Variants in NEK7 observed in about 807,000 individuals in gnomAD.
The protein encoded by NEK7 is serine/threonine-protein kinase Nek7.
A neutral mutation model predicts 44.6 loss-of-function variants in NEK7; 18 were observed. That is an observed-to-expected ratio of 0.40 (90% CI 0.28 to 0.60). The LOEUF is 0.60. NEK7 is among the 20% of genes least tolerant of loss of function. The pLI, the probability that NEK7 is intolerant of heterozygous loss-of-function variation, is 0.38. For synonymous variants in NEK7, 130 were observed against 121.1 expected, an observed-to-expected ratio of 1.07 and a Z score of -0.48; for missense variants, 256 against 366.5, an observed-to-expected ratio of 0.70 and a Z score of 2.46.
At chr1:198,294,111 C>T (rs1654640496) in intron 8 of NEK7, among the ~76,000 whole-genome samples, 1 of 151,734 alleles carries the variant, frequency 6.6e-6, no homozygotes, top group Non-Finnish European at 1.5e-5. Context: ...TTCAAATTTC[C>T]TTAATTTAAG....
chr1:198,231,654 T>A (rs1349461932), intron 1 of NEK7, among the ~76,000 whole-genome samples: 1 of 152,064 alleles, frequency 6.6e-6, no homozygotes, highest in East Asian at 1.9e-4. Context: ...ATTATGAATT[T>A]CTATTCATTA....
chr1:198,231,182 T>C (rs1666377516), intron 1 of NEK7, among the ~76,000 whole-genome samples: 1 of 150,466 alleles, frequency 6.6e-6, no homozygotes, highest in Admixed American at 6.6e-5. Context: ...AGGTACACTG[T>C]AGGGCAGTAG....
At chr1:198,235,071 T>G (rs560430535) in intron 2 of NEK7, among the ~76,000 whole-genome samples, 28 of 152,322 alleles carry the variant, frequency 1.8e-4, no homozygotes, top group South Asian at 4.1e-4. Context: ...TGGCAACATC[T>G]GGTTAGCCCA....
intron 4 of NEK7, 108 bp from the exon 5 acceptor site, chr1:198,264,017 T>G (rs991358027): frequency 8.6e-7 from 1 of 1,159,622 alleles, no homozygotes; most frequent in Non-Finnish European, 1.2e-6. Flanking sequence ...TGTTAAGATT[T>G]CTGTAATTTA....
intron 3 of NEK7, 81 bp from the exon 4 acceptor site, chr1:198,262,494 G>T: frequency 1.2e-6 from 1 of 846,356 alleles, no homozygotes; most frequent in Non-Finnish European, 1.9e-6. Flanking sequence ...ATAATTACAT[G>T]TAGAGTATTA....
At chr1:198,241,724 G>A (rs896169404) in intron 2 of NEK7, among the ~76,000 whole-genome samples, 18 of 152,144 alleles carry the variant, frequency 1.2e-4, no homozygotes, top group Non-Finnish European at 2.1e-4. Flanking sequence ...GATGGTGAGG[G>A]GAAGTTGTTT....
chr1:198,278,459 A>C (rs1334488653), intron 6 of NEK7, among the ~76,000 whole-genome samples: 2 of 149,918 alleles, frequency 1.3e-5, no homozygotes, highest in Non-Finnish European at 2.9e-5. Flanking sequence ...CATTACATCA[A>C]TAAGTAATTG....
At chr1:198,253,294 G>T in intron 3 of NEK7, 114 bp downstream of exon 3, 1 of 646,290 alleles carries the variant, frequency 1.5e-6, no homozygotes, top group South Asian at 2.5e-5. Flanking sequence ...AGAATGCTGG[G>T]AAAGATTGAA....
intron 1 of NEK7, among the ~76,000 whole-genome samples, chr1:198,225,570 A>G (rs1039187584): frequency 6.6e-6 from 1 of 152,122 alleles, no homozygotes; most frequent in African/African-American, 2.4e-5. Flanking sequence ...AAAACCTAAC[A>G]ATACCTCTCT....
intron 9 of NEK7, among the ~76,000 whole-genome samples, chr1:198,305,268 C>T (rs1654991486): frequency 6.6e-6 from 1 of 152,126 alleles, no homozygotes; most frequent in Non-Finnish European, 1.5e-5. Context: ...TGAAACCTGA[C>T]ATGAAGGAAT....
intron 7 of NEK7, among the ~76,000 whole-genome samples, chr1:198,288,374 A>C (rs1316738359): frequency 3.3e-5 from 5 of 152,226 alleles, no homozygotes; most frequent in Non-Finnish European, 7.3e-5. Context: ...TAATTTTCAC[A>C]TGTGGCCCAT....
intron 1 of NEK7, among the ~76,000 whole-genome samples, chr1:198,213,737 C>T (rs1665842770): frequency 6.6e-6 from 1 of 152,126 alleles, no homozygotes. Context: ...CTTCTTTCCC[C>T]TTGAAAGATG....
At chr1:198,251,485 G>A (rs1219343063) in intron 2 of NEK7, among the ~76,000 whole-genome samples, 2 of 150,208 alleles carry the variant, frequency 1.3e-5, no homozygotes, top group African/African-American at 2.5e-5. Flanking sequence ...GGTAGAATTC[G>A]GCTGTAAATC....
chr1:198,322,052 T>C lies in NEK7; in HGVS notation c.*2530T>C, dbSNP rs888481641. On this transcript the variant is annotated 3_prime_UTR_variant, in exon 10 of 10. Coordinates refer to ENST00000367385, the MANE Select transcript of NEK7 (RefSeq NM_133494.3). Reference sequence around the variant, plus strand: ...CAATGTGCAATGATTGTAAATTTAGTAAGATATTACAGCCATTTCATGAAT... The same window carrying C: ...CAATGTGCAATGATTGTAAATTTAGCAAGATATTACAGCCATTTCATGAAT... 2.0e-5 allele frequency: 3 copies of C among 152,162 alleles called. No individual in the cohort carries two copies. 9.4% of individuals were successfully genotyped at this position (152,162 alleles called of 1,614,324 possible).
intron 9 of NEK7, among the ~76,000 whole-genome samples, chr1:198,317,358 A>G (rs983559090): frequency 2.0e-5 from 3 of 152,208 alleles, no homozygotes; most frequent in South Asian, 4.1e-4. Flanking sequence ...GTTTAGAAGC[A>G]TCTGCTCACT....
chr1:198,248,948 G>A (rs2102911619), intron 2 of NEK7, among the ~76,000 whole-genome samples: 1 of 151,764 alleles, frequency 6.6e-6, no homozygotes, highest in South Asian at 2.1e-4. Flanking sequence ...GTGCAGGTTA[G>A]TTACATATGT....
At chr1:198,312,978 A>G (rs1655238820) in intron 9 of NEK7, among the ~76,000 whole-genome samples, 1 of 151,528 alleles carries the variant, frequency 6.6e-6, no homozygotes, top group Admixed American at 6.6e-5. Context: ...AGCTGAGTTC[A>G]ATTCCTGGGT....
chr1:198,305,629 G>A (rs1044257662), intron 9 of NEK7, among the ~76,000 whole-genome samples: 2 of 152,096 alleles, frequency 1.3e-5, no homozygotes, highest in Non-Finnish European at 2.9e-5. Flanking sequence ...TCATGAGTCA[G>A]ATTAGAAATA....
intron 1 of NEK7, among the ~76,000 whole-genome samples, chr1:198,201,919 A>C (rs1665441168): frequency 6.6e-6 from 1 of 152,224 alleles, no homozygotes; most frequent in African/African-American, 2.4e-5. Flanking sequence ...TGGTTTGAGA[A>C]TTGGGGAACC....
Sources: allele counts gnomAD v4.1 joint callset (sites outside exome capture counted in the v4.1 genomes callset), GRCh38; gene constraint gnomAD v4.1.1; transcripts MANE v1.5; gene names NCBI Gene and HGNC (gene_info 2026-07-23, HGNC 2026-07-21).